The following PARP9 variants were observed in gnomAD, a reference collection of about 807,000 sequenced individuals.
PARP9 encodes the protein poly(ADP-ribose) polymerase family member 9.
A neutral mutation model predicts 68.8 loss-of-function variants in PARP9; 48 were observed. The observed-to-expected ratio is 0.70, with a 90% CI of 0.55 to 0.89. The LOEUF is 0.89. Ranked by LOEUF, PARP9 falls within the 40% of genes least tolerant of loss-of-function variation. The pLI is 0.00. For missense variants in PARP9, 806 were observed against 969.3 expected (o/e 0.83, Z 2.24); for synonymous variants, 309 against 333.8 (o/e 0.93, Z 0.81).
chr3:122,545,567 C>A, intron 6 of PARP9, 78 bp from the exon 7 acceptor site: 2 of 1,355,828 alleles, frequency 1.5e-6, no homozygotes, highest in South Asian at 2.3e-5. Context: ...TCTCTGCACA[C>A]ACAGCACTTG....
chr3:122,551,134 C>T (rs1436632018), intron 5 of PARP9, among the ~76,000 whole-genome samples: 1 of 152,182 alleles, frequency 6.6e-6, no homozygotes, highest in Admixed American at 6.5e-5. Flanking sequence ...CCTTCCAGGT[C>T]AACGTCAAGA....
chr3:122,564,575 C>T, upstream of PARP9: 3 of 1,602,812 alleles, frequency 1.9e-6, no homozygotes, highest in East Asian at 2.3e-5. Context: ...GAACACGAAG[C>T]CCCGGGCACC....
chr3:122,547,407 A>G (rs543566693), intron 6 of PARP9, among the ~76,000 whole-genome samples: 2 of 151,966 alleles, frequency 1.3e-5, no homozygotes, highest in East Asian at 3.9e-4. Flanking sequence ...CTACGGCACT[A>G]TTTTTATTAT....
At chr3:122,545,601 A>T in intron 6 of PARP9, 112 bp from the exon 7 acceptor site, 1 of 967,546 alleles carries the variant, frequency 1.0e-6, no homozygotes, top group South Asian at 1.3e-5. Context: ...TGTCAGTCCC[A>T]TTCCTACTAC....
intron 7 of PARP9, among the ~76,000 whole-genome samples, chr3:122,541,360 C>G (rs1478207992): frequency 6.6e-6 from 1 of 152,232 alleles, no homozygotes; most frequent in Non-Finnish European, 1.5e-5. Context: ...CTTGGGAACA[C>G]AGAGTTTAGC....
intron 1 of PARP9, among the ~76,000 whole-genome samples, chr3:122,563,145 T>C (rs1456814890): frequency 2.0e-5 from 3 of 152,190 alleles, no homozygotes; most frequent in Non-Finnish European, 4.4e-5. Context: ...CAGCACCATA[T>C]TTCTAAAATG....
intron 4 of PARP9, among the ~76,000 whole-genome samples, chr3:122,553,350 T>C (rs1478519952): frequency 6.6e-6 from 1 of 152,216 alleles, no homozygotes; most frequent in African/African-American, 2.4e-5. Flanking sequence ...CCTTCCCCCA[T>C]GCCCAGATTC....
chr3:122,544,628 G>A (rs990077984), intron 7 of PARP9, among the ~76,000 whole-genome samples: 1 of 151,946 alleles, frequency 6.6e-6, no homozygotes, highest in Non-Finnish European at 1.5e-5. Context: ...ACCAGTCTGG[G>A]CAACATGGCG....
intron 10 of PARP9, chr3:122,532,550 C>G: frequency 2.0e-6 from 1 of 509,696 alleles, no homozygotes; most frequent in Non-Finnish European, 2.5e-6. Context: ...TCATGGGGAA[C>G]GTGAGAGTTG....
At chr3:122,530,340 T>C (rs1439223332) in intron 10 of PARP9, among the ~76,000 whole-genome samples, 1 of 152,144 alleles carries the variant, frequency 6.6e-6, no homozygotes, top group Non-Finnish European at 1.5e-5. Flanking sequence ...GTACTCTCCA[T>C]GGGTTGGCAC....
At position 122,550,766 on chromosome 3, in the gene PARP9, A is replaced by G. The variant is rs1258413117; in HGVS notation, c.1144T>C (p.Cys382Arg). ...KHAMKECLEKCIEQNITSISF... is the reference protein window; with the variant it reads ...KHAMKECLEKRIEQNITSISF... ...ATGGAAGTTATATTTTGCTCAATGC[A>G]TTTTTCCAAACACTCCTTCATTGCA... is the stretch of plus-strand genomic sequence containing the variant. The change falls in exon 6 of 11, where the codon TGC becomes CGC. Residue 382 changes from cysteine to arginine, a missense_variant. By Grantham distance (180) the Cys-to-Arg change is radical (BLOSUM62 -3). This residue lies in a region of PARP9 where 680 missense variants were observed against 858.8 expected (regional missense o/e 0.79). Coordinates refer to ENST00000682323, the MANE Select transcript of PARP9 (RefSeq NM_001146105.2). 1.9e-6 allele frequency: 3 copies of G among 1,613,930 alleles called. No homozygotes were observed. Among genetic ancestry groups the G allele is most frequent in the Non-Finnish European group, 8.5e-7 (1 of 1,179,998 alleles).
intron 1 of PARP9, among the ~76,000 whole-genome samples, chr3:122,562,707 G>A (rs2080345204): frequency 1.3e-5 from 2 of 152,128 alleles, no homozygotes; most frequent in Admixed American, 1.3e-4. Context: ...ACACACTTCT[G>A]CATCTTATTT....
chr3:122,561,196 C>T (rs1320370596), intron 1 of PARP9, among the ~76,000 whole-genome samples: 1 of 152,228 alleles, frequency 6.6e-6, no homozygotes, highest in Non-Finnish European at 1.5e-5. Flanking sequence ...TGGCGGCTCA[C>T]ACCTGTAACC....
At chr3:122,545,368 A>C in intron 7 of PARP9, 64 bp downstream of exon 7, 1 of 1,521,638 alleles carries the variant, frequency 6.6e-7, no homozygotes, top group South Asian at 1.1e-5. Context: ...AGTTCAGATG[A>C]TCAAGAATAG....
chr3:122,545,549 A>G, intron 6 of PARP9, 60 bp from the exon 7 acceptor site: 1 of 1,513,776 alleles, frequency 6.6e-7, no homozygotes, highest in Non-Finnish European at 9.2e-7. Flanking sequence ...TTGTCATCAA[A>G]GTCTCCCTCT....
At chr3:122,539,507 A>ATTTCCTTC (rs2077941017) in intron 8 of PARP9, among the ~76,000 whole-genome samples, 3 of 133,162 alleles carry the variant, frequency 2.3e-5, no homozygotes, top group Non-Finnish European at 1.6e-5. Context: ...CCAAGATGGC[A>ATTTCCTTC]TTTCTTTCTT....
intron 10 of PARP9, 74 bp downstream of exon 10, chr3:122,536,085 AAATGCTATC>A: frequency 6.2e-7 from 1 of 1,606,370 alleles, no homozygotes; most frequent in African/African-American, 1.3e-5. Context: ...CCACAACAAC[AAATGCTATC>A]AGTGGAAGAA....
rs761479318 is a variant in PARP9, at chr3:122,541,243, C to T, written c.1385-391G>A. 3.8e-4 allele frequency among the ~76,000 whole-genome samples: 58 copies of T among 152,310 alleles called. 1 individual carries two copies. The highest frequency in any genetic ancestry group is 4.4e-4 in the Non-Finnish European group (30 of 68,028). ...CAAAACACCATGGCCAGTGTTTTAC[C>T]CCTATGATATTGTCACCACTGTCAG... On this transcript the variant is annotated intron_variant, in intron 7 of 10. Transcript: ENST00000682323.
intron 7 of PARP9, among the ~76,000 whole-genome samples, chr3:122,544,467 T>G (rs1467400001): frequency 2.6e-5 from 4 of 152,320 alleles, no homozygotes; most frequent in Non-Finnish European, 5.9e-5. Flanking sequence ...GAACTGTTAA[T>G]GCTCTCCTTC....
Sources: allele counts gnomAD v4.1 joint callset (sites outside exome capture counted in the v4.1 genomes callset), GRCh38; gene constraint gnomAD v4.1.1; regional missense constraint gnomAD v4.1.1; transcripts MANE v1.5; gene names NCBI Gene and HGNC (gene_info 2026-07-23, HGNC 2026-07-21).